Variants in PTPRE observed in about 807,000 individuals in gnomAD.
PTPRE encodes protein tyrosine phosphatase receptor type E.
A neutral mutation model predicts 102.0 loss-of-function variants in PTPRE; 51 were observed. That is an observed-to-expected ratio of 0.50 (90% CI 0.40 to 0.63). PTPRE has a LOEUF of 0.63. Ranked by LOEUF, PTPRE falls within the 30% of genes least tolerant of loss-of-function variation. PTPRE has a pLI of 0.00. For synonymous variants in PTPRE, 345 were observed against 348.2 expected, an observed-to-expected ratio of 0.99 and a Z score of 0.10; for missense variants, 752 against 915.1, an observed-to-expected ratio of 0.82 and a Z score of 2.30.
chr10:127,991,037 TAGA>T (rs1161475345), intron 2 of PTPRE, among the ~76,000 whole-genome samples: 2 of 152,192 alleles, frequency 1.3e-5, no homozygotes, highest in African/African-American at 4.8e-5. Flanking sequence ...TTTATGTTGC[TAGA>T]AGAAGTGATT....
chr10:128,002,780 A>G (rs187910971), intron 2 of PTPRE, among the ~76,000 whole-genome samples: 2 of 124,424 alleles, frequency 1.6e-5, no homozygotes, highest in East Asian at 4.9e-4. Flanking sequence ...ACGGCTCTTG[A>G]CCTCCTGGGC....
At chr10:127,986,705 GA>G (rs1037846812) in intron 2 of PTPRE, among the ~76,000 whole-genome samples, 76 of 151,558 alleles carry the variant, frequency 5.0e-4, no homozygotes, top group African/African-American at 1.7e-3. Context: ...ACCATGACAG[GA>G]AAAAAAAATC....
At chr10:128,001,533 G>A (rs1308957610) in intron 2 of PTPRE, among the ~76,000 whole-genome samples, 6 of 152,150 alleles carry the variant, frequency 3.9e-5, no homozygotes, top group African/African-American at 7.2e-5. Context: ...GCTGCTGTGT[G>A]GTTCAGTGGC....
intron 12 of PTPRE, 48 bp from the exon 13 acceptor site, chr10:128,069,644 T>G (rs1368636474): frequency 1.9e-6 from 3 of 1,609,338 alleles, no homozygotes; most frequent in African/African-American, 2.7e-5. Flanking sequence ...TTCATTTACT[T>G]CGGGAGGAGT....
intron 2 of PTPRE, among the ~76,000 whole-genome samples, chr10:128,038,277 T>C (rs1847395223): frequency 6.6e-6 from 1 of 152,290 alleles, no homozygotes; most frequent in Non-Finnish European, 1.5e-5. Context: ...GAACTAGAAA[T>C]ACCATTTGAC....
intron 2 of PTPRE, among the ~76,000 whole-genome samples, chr10:128,004,345 C>A (rs529563767): frequency 6.6e-6 from 1 of 152,094 alleles, no homozygotes; most frequent in Admixed American, 6.6e-5. Flanking sequence ...GGGCAGCCAT[C>A]ACCTCTACTT....
rs774906552 is a variant in PTPRE at position 128,040,902 on chromosome 10, C to T, written c.21C>T (p.Leu7=). 36 of 1,613,942 alleles carry T rather than the reference C, an allele frequency of 2.2e-5. No homozygotes were observed. In the Admixed American group the frequency reaches 4.7e-4, roughly 21 times the overall value. ...CCACCATGGAGCCCTTGTGTCCACT[C>T]CTGCTGGTGGGTTTTAGCTTGCCGC... The part of the protein sequence containing the change: MEPLCP[L]LLVGFSLPLA... Residue 7 remains leucine (L), a synonymous_variant, in exon 3 of 21, where the codon CTC becomes CTT. Transcript: ENST00000254667.
intron 2 of PTPRE, among the ~76,000 whole-genome samples, chr10:128,003,943 G>A (rs940482876): frequency 6.7e-6 from 1 of 149,738 alleles, no homozygotes; most frequent in Non-Finnish European, 1.5e-5. Context: ...CCACCCCAGC[G>A]CGTCTGCCAG....
intron 2 of PTPRE, chr10:127,998,723 T>C (rs1463285359): frequency 6.6e-6 from 1 of 152,204 alleles, no homozygotes; most frequent in Non-Finnish European, 1.5e-5. Context: ...TTGGAGCTAC[T>C]GGTGCACCTT....
intron 5 of PTPRE, among the ~76,000 whole-genome samples, chr10:128,048,618 G>A (rs1486459037): frequency 2.0e-5 from 3 of 152,302 alleles, no homozygotes; most frequent in African/African-American, 7.2e-5. Context: ...CTGGTTAGAC[G>A]ATAATGTGGC....
At chr10:128,038,371 G>C (rs1368368707) in intron 2 of PTPRE, among the ~76,000 whole-genome samples, 2 of 152,032 alleles carry the variant, frequency 1.3e-5, no homozygotes, top group South Asian at 4.1e-4. Context: ...TGTTTATTGC[G>C]GCACTATTCA....
intron 2 of PTPRE, among the ~76,000 whole-genome samples, chr10:128,001,688 C>T (rs1470282140): frequency 6.6e-6 from 1 of 152,292 alleles, no homozygotes; most frequent in East Asian, 1.9e-4. Context: ...TATGCCCTCG[C>T]TTTTCTGACC....
At chr10:127,966,958 T>C (rs1045688412) in intron 1 of PTPRE, among the ~76,000 whole-genome samples, 5 of 152,212 alleles carry the variant, frequency 3.3e-5, no homozygotes, top group African/African-American at 1.2e-4. Context: ...TATTTTCAGA[T>C]AAAGTTTATG....
In PTPRE at chr10:127,972,267, C is replaced by T. The variant is rs181720641; in HGVS notation, c.-30-10007C>T. On this transcript the variant is annotated intron_variant, in intron 1 of 20. Transcript: ENST00000254667. ...ATTCCAGGCCCAGGCACCAAGGGCC[C>T]AGGGTTTTCCTAATGTTGAGGACAT... Among the ~76,000 whole-genome samples, 468 of 152,304 alleles carry T rather than the reference C, an allele frequency of 3.1e-3. 1 individual carries two copies. Among genetic ancestry groups the T allele is most frequent in the African/African-American group, 0.011 (455 of 41,560 alleles).
intron 2 of PTPRE, chr10:127,987,390 CAAG>C (rs1852183714): frequency 7.9e-7 from 1 of 1,268,932 alleles, no homozygotes; most frequent in Non-Finnish European, 1.0e-6. Context: ...CCCAGGAAGA[CAAG>C]AGGTAACGGG....
chr10:128,077,954 T>C (rs963929037), intron 19 of PTPRE, among the ~76,000 whole-genome samples, 171 bp downstream of exon 19: 1 of 152,236 alleles, frequency 6.6e-6, no homozygotes, highest in African/African-American at 2.4e-5. Context: ...CTTAAGTACA[T>C]ACATGTCATC....
intron 20 of PTPRE, 103 bp from the exon 21 acceptor site, chr10:128,082,729 G>T: frequency 7.6e-7 from 1 of 1,322,326 alleles, no homozygotes; most frequent in Non-Finnish European, 1.0e-6. Flanking sequence ...GTATTTTAAT[G>T]AATAGTCACA....
At chr10:128,072,537 A>G (rs1382705788) in intron 16 of PTPRE, 2 of 203,066 alleles carry the variant, frequency 9.8e-6, no homozygotes, top group Non-Finnish European at 2.0e-5. Flanking sequence ...CTGTAATCCC[A>G]GCTACTTGGG....
Position 128,008,253 on chromosome 10 carries a change from C to T in PTPRE, c.-8+25957C>T, listed in dbSNP as rs1844673952. On this transcript the variant is annotated intron_variant, in intron 2 of 20. Coordinates refer to ENST00000254667, the MANE Select transcript of PTPRE (RefSeq NM_006504.6). This position sits in a 1 kb window ranked among gnomAD's most constrained non-coding sequence, Gnocchi z 4.0. ...CCTCCCTCCCTTTCACCCTCCCTCC[C>T]TCTCTCCCTCATTCCCTCCCTCCCT... 6.6e-6 allele frequency among the ~76,000 whole-genome samples: 1 copy of T among 151,734 alleles called. No homozygotes were observed. Among genetic ancestry groups the T allele is most frequent in the South Asian group, 2.1e-4 (1 of 4,802 alleles).
Sources: allele counts gnomAD v4.1 joint callset (sites outside exome capture counted in the v4.1 genomes callset), GRCh38; gene constraint gnomAD v4.1.1; non-coding constraint Gnocchi (gnomAD v3.1); transcripts MANE v1.5; gene names NCBI Gene and HGNC (gene_info 2026-07-23, HGNC 2026-07-21).